Variants in DPYSL2 observed in about 807,000 individuals in gnomAD.
DPYSL2 encodes dihydropyrimidinase like 2, also known as dihydropyrimidinase-related protein 2.
DPYSL2 carries 13 observed loss-of-function variants against 69.9 expected under a neutral mutation model. The ratio of observed to expected loss-of-function variants is 0.19; its 90% CI spans 0.12 to 0.30. The LOEUF (loss-of-function observed/expected upper bound fraction) is 0.30. DPYSL2 is among the 10% of genes least tolerant of loss of function. The pLI, the probability that DPYSL2 is intolerant of heterozygous loss-of-function variation, is 1.00. For synonymous variants in DPYSL2, 326 were observed against 359.1 expected, an observed-to-expected ratio of 0.91 and a Z score of 1.04; for missense variants, 587 against 918.9, an observed-to-expected ratio of 0.64 and a Z score of 4.67.
chr8:26,613,944 C>A (rs1227776720), intron 3 of DPYSL2, among the ~76,000 whole-genome samples: 1 of 151,998 alleles, frequency 6.6e-6, no homozygotes, highest in African/African-American at 2.4e-5. Flanking sequence ...CCTGCCTGGG[C>A]AACATGGGAG....
At position 26,640,661 on chromosome 8, in the gene DPYSL2, T is replaced by G. The variant is rs564147411; in HGVS notation, c.1127-2778T>G. On this transcript the variant is annotated intron_variant, in intron 8 of 13. Coordinates refer to ENST00000521913, the MANE Select transcript of DPYSL2 (RefSeq NM_001197293.3). This position sits in a 1 kb window ranked among gnomAD's most constrained non-coding sequence, Gnocchi z 4.2. The stretch of plus-strand genomic sequence containing the variant: ...GAGGCCTGGAACATGATGGCTAAAC[T>G]CCTGTCGCTGATTCTGGGCTAAGAA... Among the ~76,000 whole-genome samples, 14 of 152,118 alleles carry G rather than the reference T, an allele frequency of 9.2e-5. No homozygotes were observed. Among genetic ancestry groups the G allele is most frequent in the African/African-American group, 3.4e-4 (14 of 41,484 alleles).
rs1808311406 is a variant in DPYSL2 at position 26,517,472 on chromosome 8, G to A, written c.354+2793G>A. On this transcript the variant is annotated intron_variant, in intron 1 of 13. Coordinates refer to ENST00000521913, the MANE Select transcript of DPYSL2 (RefSeq NM_001197293.3). The surrounding 1 kb of genome is among the most constrained non-coding windows in gnomAD (Gnocchi z 4.2). ...CTCTTTTTCCTATAAGTCCACTTTG[G>A]GCTTCAGTGAGGTTACATTGATCAC... 6.6e-6 allele frequency among the ~76,000 whole-genome samples: 1 copy of A among 152,098 alleles called. No homozygotes were observed. Among genetic ancestry groups the A allele is most frequent in the African/African-American group, 2.4e-5 (1 of 41,376 alleles).
At chr8:26,559,187 C>T (rs1160801404) in intron 1 of DPYSL2, among the ~76,000 whole-genome samples, 2 of 152,200 alleles carry the variant, frequency 1.3e-5, no homozygotes, top group Admixed American at 1.3e-4. Flanking sequence ...AGGCAACCCA[C>T]TCGCCTCCGC....
chr8:26,627,104 C>G lies in DPYSL2; in HGVS notation c.856-111C>G. The G allele has an allele frequency of 1.0e-6, 1 of 983,302 alleles. No individual in the cohort carries two copies. The highest frequency in any genetic ancestry group is 1.6e-6 in the Non-Finnish European group (1 of 627,066). The allele number at this position is 983,302 out of a possible 1,614,324, so 60.9% of individuals were successfully genotyped here. On this transcript the variant is annotated intron_variant, in intron 5 of 13. Coordinates refer to ENST00000521913, the MANE Select transcript of DPYSL2 (RefSeq NM_001197293.3). The surrounding 1 kb of genome is among the most constrained non-coding windows in gnomAD (Gnocchi z 6.9). ...AAAAAAGTCAGGCTAATAGAATCGC[C>G]TAGGTGTCCTGTTTCTCATCCCAGA...
chr8:26,606,450 A>G (rs777135859), intron 3 of DPYSL2, among the ~76,000 whole-genome samples: 41 of 148,672 alleles, frequency 2.8e-4, no homozygotes, highest in Non-Finnish European at 4.9e-4. Flanking sequence ...CATTACTAAC[A>G]GTTTAATAAT....
At chr8:26,552,902 A>G (rs1306623839) in intron 1 of DPYSL2, among the ~76,000 whole-genome samples, 1 of 152,222 alleles carries the variant, frequency 6.6e-6, no homozygotes, top group Non-Finnish European at 1.5e-5. Flanking sequence ...AGCATTTGAT[A>G]TAACTCTAGC....
chr8:26,575,427 C>A (rs564014887), intron 1 of DPYSL2, among the ~76,000 whole-genome samples: 1 of 151,942 alleles, frequency 6.6e-6, no homozygotes, highest in Non-Finnish European at 1.5e-5. Context: ...TTCCTCATTG[C>A]GCTGAATGGT....
At position 26,619,236 on chromosome 8, in the gene DPYSL2, T is replaced by G. The variant is rs1440987775; in HGVS notation, c.629-4907T>G. Among the ~76,000 whole-genome samples the G allele has an allele frequency of 6.6e-6, 1 of 152,160 alleles. No individual in the cohort carries two copies. Among genetic ancestry groups the G allele is most frequent in the Non-Finnish European group, 1.5e-5 (1 of 68,018 alleles). ...CTCCCTCCGGAAGTGAGTATGACAT[T>G]CTGCCCTATTCCCTTGGAGCAGCTC... On this transcript the variant is annotated intron_variant, in intron 3 of 13. Transcript: ENST00000521913. The surrounding 1 kb of genome is among the most constrained non-coding windows in gnomAD (Gnocchi z 4.8).
rs532456283 is a variant in DPYSL2 at position 26,514,564 on chromosome 8, C to T, written c.239C>T (p.Pro80Leu). The T allele has an allele frequency of 3.3e-6, 5 of 1,526,922 alleles. No individual in the cohort carries two copies. The highest frequency in any genetic ancestry group is 5.0e-5 in the East Asian group (2 of 40,322). 94.6% of individuals were successfully genotyped at this position (1,526,922 alleles called of 1,614,324 possible). Reference sequence around the variant, plus strand: ...GCCCACTTGGGCCCGGACCCGCAGCCGCCGTACTCGCGGCAGGGCCGGCGC... The same window carrying T: ...GCCCACTTGGGCCCGGACCCGCAGCTGCCGTACTCGCGGCAGGGCCGGCGC... ...DVAHLGPDPQ[P>L]PYSRQGRRAG... Residue 80 changes from proline to leucine, a missense_variant, in exon 1 of 14, where the codon CCG (proline) becomes CTG (leucine). Pro to Leu is a moderately conservative substitution (Grantham distance 98). Transcript: ENST00000521913. The surrounding 1 kb of genome is among the most constrained non-coding windows in gnomAD (Gnocchi z 8.4).
intron 7 of DPYSL2, among the ~76,000 whole-genome samples, chr8:26,634,551 G>C (rs1802857172): frequency 6.6e-6 from 1 of 151,362 alleles, no homozygotes; most frequent in Non-Finnish European, 1.5e-5. Flanking sequence ...CAAAGTGCTG[G>C]GATTACAGGC....
chr8:26,577,837 G>A, intron 1 of DPYSL2: 2 of 1,042,444 alleles, frequency 1.9e-6, no homozygotes, highest in South Asian at 3.1e-5. Context: ...TCCCAGGATC[G>A]CGGCCAATCG....
chr8:26,654,236 A>G lies in DPYSL2; in HGVS notation c.1942+839A>G, dbSNP rs565885006. ...AGAATGGGGCCATTTGAGAACTGTT[A>G]GTTGTATTTGCTTGGGTAATTTGTG... On this transcript the variant is annotated intron_variant, in intron 13 of 13. Transcript: ENST00000521913. The surrounding 1 kb of genome is among the most constrained non-coding windows in gnomAD (Gnocchi z 5.0). 6.6e-6 allele frequency among the ~76,000 whole-genome samples: 1 copy of G among 152,292 alleles called. No homozygotes were observed. The highest frequency in any genetic ancestry group is 6.5e-5 in the Admixed American group (1 of 15,302).
chr8:26,622,155 T>TTCCTTCCTTCCTTCCTTCCTTCCCTCCC (rs1439731993), intron 3 of DPYSL2, among the ~76,000 whole-genome samples: 33 of 69,028 alleles, frequency 4.8e-4, no homozygotes, highest in Non-Finnish European at 5.7e-4. Flanking sequence ...CCTTCCTTCC[T>TTCCTTCCTTCCTTCCTTCCTTCCCTCCC]TCCCTCTCTC....
rs1801117079 is a variant in DPYSL2, at chr8:26,564,346, T to G, written c.355-17623T>G. Among the ~76,000 whole-genome samples the G allele has an allele frequency of 6.6e-6, 1 of 151,846 alleles. No homozygotes were observed. The highest frequency in any genetic ancestry group is 2.4e-5 in the African/African-American group (1 of 41,300). ...GAACAGCAAGGCAGGGCAATCGTGG[T>G]GAGGAGCACAGGGCCAGGGAGATGG... On this transcript the variant is annotated intron_variant, in intron 1 of 13. Coordinates refer to ENST00000521913, the MANE Select transcript of DPYSL2 (RefSeq NM_001197293.3). This position sits in a 1 kb window ranked among gnomAD's most constrained non-coding sequence, Gnocchi z 4.8.
intron 3 of DPYSL2, among the ~76,000 whole-genome samples, chr8:26,595,203 A>G (rs1259224000): frequency 6.6e-6 from 1 of 152,008 alleles, no homozygotes; most frequent in African/African-American, 2.4e-5. Flanking sequence ...AGTCTGGGAG[A>G]CAGTGAGACC....
chr8:26,647,146 C>T lies in DPYSL2; in HGVS notation c.1426-484C>T, dbSNP rs1803184564. 6.6e-6 allele frequency among the ~76,000 whole-genome samples: 1 copy of T among 152,138 alleles called. No homozygotes were observed. Among genetic ancestry groups the T allele is most frequent in the Non-Finnish European group, 1.5e-5 (1 of 68,012 alleles). On this transcript the variant is annotated intron_variant, in intron 10 of 13. Transcript: ENST00000521913. The surrounding 1 kb of genome is among the most constrained non-coding windows in gnomAD (Gnocchi z 5.1). ...ATAATTATAGATTAAGAAGCAGTTG[C>T]AAAGATAGTACAGAGAGAGGTCCCG...
rs1185788090 is a variant in DPYSL2, at chr8:26,626,932, C to G, written c.855+254C>G. Among the ~76,000 whole-genome samples the G allele has an allele frequency of 1.3e-5, 2 of 152,196 alleles. No individual in the cohort carries two copies. Among genetic ancestry groups the G allele is most frequent in the African/African-American group, 2.4e-5 (1 of 41,450 alleles). On this transcript the variant is annotated intron_variant, in intron 5 of 13. Transcript: ENST00000521913. This position sits in a 1 kb window ranked among gnomAD's most constrained non-coding sequence, Gnocchi z 4.3. ...CGTGTGTGGGAGCGGCACTCAGAAC[C>G]TCCTTAGCAAACCTGGTGCAGAGCC...
intron 1 of DPYSL2, among the ~76,000 whole-genome samples, chr8:26,549,478 A>T (rs1800837920): frequency 6.6e-6 from 1 of 152,168 alleles, no homozygotes; most frequent in African/African-American, 2.4e-5. Context: ...GGGAGCAGAA[A>T]GACAGAAAGG....
At chr8:26,601,344 A>G (rs927587420) in intron 3 of DPYSL2, among the ~76,000 whole-genome samples, 2 of 151,704 alleles carry the variant, frequency 1.3e-5, no homozygotes, top group Non-Finnish European at 2.9e-5. Context: ...CCTGCTGGGT[A>G]TGTTCCTGGG....
Sources: gnomAD v4.1 joint callset for allele counts (sites outside exome capture counted in the v4.1 genomes callset) on GRCh38, gnomAD v4.1.1 for gene constraint, Gnocchi (gnomAD v3.1) non-coding constraint, MANE v1.5 for transcripts, NCBI Gene and HGNC (gene_info 2026-07-23, HGNC 2026-07-21) for gene names.